MAML1: variants seen among roughly 807,000 people sequenced by gnomAD.
MAML1 encodes the protein mastermind-like protein 1.
Under a neutral mutation model 77.1 loss-of-function variants are expected in MAML1, and 14 were observed. That is an observed-to-expected ratio of 0.18 (90% CI 0.12 to 0.28). The LOEUF (loss-of-function observed/expected upper bound fraction) is 0.28. Ranked by LOEUF, MAML1 falls within the 10% of genes least tolerant of loss-of-function variation. MAML1 has a pLI of 1.00. For synonymous variants in MAML1, 516 were observed against 551.9 expected, an observed-to-expected ratio of 0.93 and a Z score of 0.91; for missense variants, 1,217 against 1,327.8, an observed-to-expected ratio of 0.92 and a Z score of 1.30.
intron 2 of MAML1, 74 bp from the exon 3 acceptor site, chr5:179,768,776 T>C: frequency 6.4e-7 from 1 of 1,554,862 alleles, no homozygotes; most frequent in East Asian, 2.3e-5. Context: ...GAGTGAACCT[T>C]GAATTCACTG....
chr5:179,740,793 CGG>C, intron 1 of MAML1, among the ~76,000 whole-genome samples: 1 of 152,176 alleles, frequency 6.6e-6, no homozygotes, highest in South Asian at 2.1e-4. Flanking sequence ...CTTTGTTTTG[CGG>C]GCAGGAGAGG....
intron 1 of MAML1, among the ~76,000 whole-genome samples, chr5:179,755,281 CAA>C (rs1337096414): frequency 1.3e-5 from 2 of 152,084 alleles, no homozygotes; most frequent in African/African-American, 4.8e-5. Context: ...GCCTGGGAAA[CAA>C]AAAGACAAAG....
Position 179,774,008 on chromosome 5 carries a change from G to C in MAML1, c.2182G>C (p.Val728Leu). 1 of 1,614,208 alleles carries C rather than the reference G, an allele frequency of 6.2e-7. No homozygotes were observed. Among genetic ancestry groups the C allele is most frequent in the Non-Finnish European group, 8.5e-7 (1 of 1,180,052 alleles). ...LMPMGPGHASVSSLPTNSGQQ... is the reference protein window; with the variant it reads ...LMPMGPGHASLSSLPTNSGQQ... ...GCCAATGGGCCCTGGACATGCTTCA[G>C]TTTCCTCTCTCCCCACAAACTCAGG... is the stretch of plus-strand genomic sequence containing the variant. Residue 728 changes from valine to leucine, a missense_variant, in exon 5 of 5, where the codon GTT (valine) becomes CTT (leucine). By Grantham distance (32) the Val-to-Leu change is conservative. Transcript: ENST00000292599.
At chr5:179,743,527 C>T (rs1009982470) in intron 1 of MAML1, among the ~76,000 whole-genome samples, 3 of 151,574 alleles carry the variant, frequency 2.0e-5, no homozygotes, top group East Asian at 1.9e-4. Flanking sequence ...CCACCACGCC[C>T]GGCTAATTTT....
intron 1 of MAML1, among the ~76,000 whole-genome samples, chr5:179,746,535 G>A (rs1275494931): frequency 2.0e-5 from 3 of 151,472 alleles, no homozygotes; most frequent in Non-Finnish European, 2.9e-5. Context: ...CACCACACCC[G>A]GCTAATTTTG....
In MAML1 at chr5:179,750,705, G is replaced by A. The variant is rs80191266; in HGVS notation, c.316-14621G>A. Among the ~76,000 whole-genome samples, 613 of 152,208 alleles carry A rather than the reference G, an allele frequency of 4.0e-3. 7 individuals carry two copies. The highest frequency in any genetic ancestry group is 0.014 in the African/African-American group (591 of 41,536). ...CGAACTCCTGAGTGCAAAGCAATCC[G>A]CTTGCCTGGGACTCCCAAAGTGCTG... On this transcript the variant is annotated intron_variant, in intron 1 of 4. Coordinates refer to ENST00000292599, the MANE Select transcript of MAML1 (RefSeq NM_014757.5).
intron 1 of MAML1, among the ~76,000 whole-genome samples, chr5:179,753,654 A>ATTTTTTTTTTT (rs1209995171): frequency 3.0e-4 from 27 of 88,846 alleles, no homozygotes; most frequent in South Asian, 1.0e-3. Context: ...TATTATTATT[A>ATTTTTTTTTTT]TTTTTTTTTT....
At chr5:179,757,667 C>A (rs549245059) in intron 1 of MAML1, among the ~76,000 whole-genome samples, 5 of 152,276 alleles carry the variant, frequency 3.3e-5, no homozygotes, top group Admixed American at 3.3e-4. Flanking sequence ...TATGTCTTAA[C>A]GTCACACATC....
chr5:179,776,093 A>G lies in MAML1; in HGVS notation c.*1216A>G. On this transcript the variant is annotated 3_prime_UTR_variant, in exon 5 of 5. Transcript: ENST00000292599. Reference sequence around the variant, plus strand: ...AAGCTGAGGGTCCACGAAATAGAATATGACATGTGAGCTGTTTTTGGAAAA... The same window carrying G: ...AAGCTGAGGGTCCACGAAATAGAATGTGACATGTGAGCTGTTTTTGGAAAA... 2.0e-6 allele frequency: 2 copies of G among 985,950 alleles called. No homozygotes were observed. The highest frequency in any genetic ancestry group is 1.7e-5 in the African/African-American group (1 of 57,382). 61.1% of individuals were successfully genotyped at this position (985,950 alleles called of 1,614,324 possible). A position where few individuals can be genotyped will look rare whatever the true frequency, so the allele number is the denominator to read the frequency against.
At chr5:179,770,396 G>C (rs1755958110) in intron 3 of MAML1, among the ~76,000 whole-genome samples, 1 of 151,976 alleles carries the variant, frequency 6.6e-6, no homozygotes, top group South Asian at 2.1e-4. Context: ...GCAGTGAGCA[G>C]AGATCGCGCC....
Position 179,777,195 on chromosome 5 carries a change from C to A in MAML1, c.*2318C>A, listed in dbSNP as rs1227055863. On this transcript the variant is annotated 3_prime_UTR_variant, in exon 5 of 5. Coordinates refer to ENST00000292599, the MANE Select transcript of MAML1 (RefSeq NM_014757.5). ...TCCTATTAATCCCCATATTCTTCTACTGCCCTTAACTCTGGTATACACCAA... is the reference window on the plus strand; with the variant it reads ...TCCTATTAATCCCCATATTCTTCTAATGCCCTTAACTCTGGTATACACCAA... 1 of 974,300 alleles carries A rather than the reference C, an allele frequency of 1.0e-6. No individual in the cohort carries two copies. Among genetic ancestry groups the A allele is most frequent in the Non-Finnish European group, 1.2e-6 (1 of 819,654 alleles). The allele number at this position is 974,300 out of a possible 1,614,324, so 60.4% of individuals were successfully genotyped here. A position where few individuals can be genotyped will look rare whatever the true frequency, so the allele number is the denominator to read the frequency against.
Position 179,765,689 on chromosome 5 carries a change from A to G in MAML1, c.679A>G (p.Met227Val). The G allele has an allele frequency of 6.2e-7, 1 of 1,614,208 alleles. No homozygotes were observed. The highest frequency in any genetic ancestry group is 8.5e-7 in the Non-Finnish European group (1 of 1,180,018). Residue 227 changes from methionine to valine, a missense_variant, in exon 2 of 5, where the codon ATG becomes GTG. Physicochemically the swap from Met to Val is conservative, Grantham distance 21. Coordinates refer to ENST00000292599, the MANE Select transcript of MAML1 (RefSeq NM_014757.5). Reference sequence around the variant, plus strand: ...GGAGCCTGTCGAAGACCTGCCTTGCATGATCACTGGGACTGTCGGCTCCAT... The same window carrying G: ...GGAGCCTGTCGAAGACCTGCCTTGCGTGATCACTGGGACTGTCGGCTCCAT... ...KQEPVEDLPC[M>V]ITGTVGSISQ...
intron 1 of MAML1, among the ~76,000 whole-genome samples, chr5:179,741,322 C>G (rs1027138385): frequency 1.3e-5 from 2 of 152,136 alleles, no homozygotes; most frequent in Non-Finnish European, 2.9e-5. Flanking sequence ...AAGCCGAGTT[C>G]AGGGCTAAAG....
rs200777278 is a variant in MAML1 at position 179,769,139 on chromosome 5, C to T, written c.1971+50C>T. The stretch of plus-strand genomic sequence containing the variant: ...CACCGCTTCCCACCTTTGCCTGCAC[C>T]CTGCGTCACTGCTACAGTCACACCT... On this transcript the variant is annotated intron_variant, in intron 3 of 4. Transcript: ENST00000292599. The surrounding 1 kb of genome is among the most constrained non-coding windows in gnomAD (Gnocchi z 4.2). 6.6e-4 allele frequency: 1,059 copies of T among 1,604,070 alleles called. 3 individuals carry two copies. The highest frequency in any genetic ancestry group is 8.6e-4 in the Non-Finnish European group (1,005 of 1,174,312).
chr5:179,744,179 A>T (rs1349707397), intron 1 of MAML1, among the ~76,000 whole-genome samples: 2 of 152,152 alleles, frequency 1.3e-5, no homozygotes, highest in Non-Finnish European at 2.9e-5. Flanking sequence ...AGAGGTATAA[A>T]AAATTAAATT....
chr5:179,753,845 T>A lies in MAML1; in HGVS notation c.316-11481T>A, dbSNP rs183802817. On this transcript the variant is annotated intron_variant, in intron 1 of 4. Transcript: ENST00000292599. ...ACACCATGGTGCCTGGCTAATTTTT[T>A]ATTTTTAGTAGAGATGGCGTTTCAC... is the stretch of plus-strand genomic sequence containing the variant. Among the ~76,000 whole-genome samples the A allele has an allele frequency of 1.6e-3, 248 of 151,800 alleles. 2 individuals are homozygous for A. The highest frequency in any genetic ancestry group is 5.8e-3 in the African/African-American group (242 of 41,466).
chr5:179,740,940 C>G (rs560164605), intron 1 of MAML1, among the ~76,000 whole-genome samples: 1 of 152,234 alleles, frequency 6.6e-6, no homozygotes, highest in Non-Finnish European at 1.5e-5. Flanking sequence ...GTTATTGATT[C>G]TTTCATAGCT....
chr5:179,744,539 A>AT (rs60338689), intron 1 of MAML1, among the ~76,000 whole-genome samples: 3,636 of 140,898 alleles, frequency 0.026, 73 homozygotes, highest in Non-Finnish European at 0.038. Flanking sequence ...TTTTGGCAGG[A>AT]TTTTTTTTTT....
chr5:179,744,429 A>T (rs1168624267), intron 1 of MAML1, among the ~76,000 whole-genome samples: 6 of 151,860 alleles, frequency 4.0e-5, no homozygotes, highest in African/African-American at 7.3e-5. Context: ...CTCATGATCC[A>T]CCTGCCTCGG....
Sources: allele counts gnomAD v4.1 joint callset (sites outside exome capture counted in the v4.1 genomes callset), GRCh38; gene constraint gnomAD v4.1.1; non-coding constraint Gnocchi (gnomAD v3.1); transcripts MANE v1.5; gene names NCBI Gene and HGNC (gene_info 2026-07-23, HGNC 2026-07-21).